Variants in ZDHHC14 observed in about 807,000 individuals in gnomAD.
ZDHHC14 encodes the protein zDHHC palmitoyltransferase 14.
Under a neutral mutation model 47.7 loss-of-function variants are expected in ZDHHC14, and 16 were observed. That is an observed-to-expected ratio of 0.34 (90% CI 0.23 to 0.51). The LOEUF (loss-of-function observed/expected upper bound fraction) is 0.51. ZDHHC14 is among the 20% of genes least tolerant of loss of function. The probability of loss-of-function intolerance (pLI) is 0.97; values close to 1 mark genes in which losing one functional copy is unlikely to be tolerated. For missense variants in ZDHHC14, 515 were observed against 662.5 expected (o/e 0.78, Z 2.44); for synonymous variants, 293 against 278.9 (o/e 1.05, Z -0.50).
rs544582600 is a variant in ZDHHC14, at chr6:157,594,346, A to G, written c.565+1200A>G. Among the ~76,000 whole-genome samples, 44 of 152,270 alleles carry G rather than the reference A, an allele frequency of 2.9e-4. No individual in the cohort carries two copies. The South Asian group carries it at 7.7e-3, about 27-fold the overall frequency. ...TGCCTCCCCAACAGAACAGTATGGA[A>G]TGGGTTCTGCTTCTCCCATGTAGGA... On this transcript the variant is annotated intron_variant, in intron 3 of 8. Coordinates refer to ENST00000359775, the MANE Select transcript of ZDHHC14 (RefSeq NM_024630.3).
rs1010574524 is a variant in ZDHHC14 at position 157,676,765 on chromosome 6, C to T, written c.*3643C>T. On this transcript the variant is annotated 3_prime_UTR_variant, in exon 9 of 9. Coordinates refer to ENST00000359775, the MANE Select transcript of ZDHHC14 (RefSeq NM_024630.3). ...TCTCAGGTCTCTGCCCACCTGACTA[C>T]CCTGCAGCAAACGCTTCTCTGTAAC... The T allele has an allele frequency of 6.6e-6, 1 of 152,338 alleles. No homozygotes were observed. Among genetic ancestry groups the T allele is most frequent in the Non-Finnish European group, 1.5e-5 (1 of 68,118 alleles). 9.4% of individuals were successfully genotyped at this position (152,338 alleles called of 1,614,324 possible). A position where few individuals can be genotyped will look rare whatever the true frequency, so the allele number is the denominator to read the frequency against.
intron 2 of ZDHHC14, among the ~76,000 whole-genome samples, chr6:157,583,958 C>A (rs778076968): frequency 1.4e-5 from 1 of 69,914 alleles, no homozygotes; most frequent in Non-Finnish European, 2.7e-5. Context: ...GGAGGGGACC[C>A]TTTCCAGTGA....
At chr6:157,514,033 G>T (rs971846765) in intron 1 of ZDHHC14, among the ~76,000 whole-genome samples, 2 of 152,102 alleles carry the variant, frequency 1.3e-5, no homozygotes, top group African/African-American at 2.4e-5. Context: ...GAGGCTGGCT[G>T]GTCCCTCCTG....
intron 1 of ZDHHC14, among the ~76,000 whole-genome samples, chr6:157,398,231 C>G (rs961015355): frequency 6.6e-6 from 1 of 152,170 alleles, no homozygotes; most frequent in East Asian, 1.9e-4. Context: ...TGAGGTACTG[C>G]TAGAAGCTTT....
chr6:157,647,271 T>C lies in ZDHHC14; in HGVS notation c.868T>C (p.Trp290Arg). Residue 290 changes from tryptophan to arginine, a missense_variant, in exon 7 of 9, where the codon TGG (tryptophan) becomes CGG (arginine). Physicochemically the swap from Trp to Arg is moderately radical, Grantham distance 101. Coordinates refer to ENST00000359775, the MANE Select transcript of ZDHHC14 (RefSeq NM_024630.3). ...CCTTTTCTTTCAGATTAAAGGATCC[T>C]GGTCAAATAAAAGAGGTAAAGAAAA... ...QTTNEDIKGS[W>R]SNKRGKENYN... is the part of the protein sequence containing the mutation. The C allele has an allele frequency of 6.2e-7, 1 of 1,613,660 alleles. No individual in the cohort carries two copies. Among genetic ancestry groups the C allele is most frequent in the Non-Finnish European group, 8.5e-7 (1 of 1,179,578 alleles).
chr6:157,662,208 G>A (rs919994001), intron 8 of ZDHHC14, among the ~76,000 whole-genome samples: 1 of 152,046 alleles, frequency 6.6e-6, no homozygotes, highest in Non-Finnish European at 1.5e-5. Context: ...TTGAGACAGA[G>A]TCTCACTCTG....
At chr6:157,426,139 C>T (rs1025214217) in intron 1 of ZDHHC14, among the ~76,000 whole-genome samples, 9 of 152,130 alleles carry the variant, frequency 5.9e-5, no homozygotes, top group African/African-American at 2.2e-4. Context: ...ATGCTGCTCA[C>T]GTTCAGATGT....
chr6:157,455,100 C>T (rs559521867), intron 1 of ZDHHC14, among the ~76,000 whole-genome samples: 13 of 152,354 alleles, frequency 8.5e-5, no homozygotes, highest in African/African-American at 3.1e-4. Context: ...GCAGCCAGGC[C>T]ACTTTGAAAG....
chr6:157,562,933 A>G (rs1167925373), intron 2 of ZDHHC14, among the ~76,000 whole-genome samples: 1 of 151,774 alleles, frequency 6.6e-6, no homozygotes, highest in East Asian at 1.9e-4. Context: ...GAACTCCCCA[A>G]CCCCACCCCT....
At chr6:157,501,699 G>C (rs1243024390) in intron 1 of ZDHHC14, among the ~76,000 whole-genome samples, 1 of 152,176 alleles carries the variant, frequency 6.6e-6, no homozygotes, top group African/African-American at 2.4e-5. Flanking sequence ...GCAAACAAAG[G>C]CCATGATTTT....
At chr6:157,552,985 C>G (rs900152332) in intron 2 of ZDHHC14, among the ~76,000 whole-genome samples, 3 of 152,162 alleles carry the variant, frequency 2.0e-5, no homozygotes, top group Non-Finnish European at 4.4e-5. Flanking sequence ...TCAGGGAGAC[C>G]ATGCAGGGTC....
chr6:157,486,666 G>A (rs1410605084), intron 1 of ZDHHC14, among the ~76,000 whole-genome samples: 2 of 152,194 alleles, frequency 1.3e-5, no homozygotes, highest in Non-Finnish European at 1.5e-5. Flanking sequence ...GAAGCCTGAC[G>A]ATGCTGCAGG....
intron 2 of ZDHHC14, among the ~76,000 whole-genome samples, chr6:157,579,477 A>T (rs906124229): frequency 5.3e-5 from 8 of 152,202 alleles, no homozygotes; most frequent in Non-Finnish European, 7.4e-5. Context: ...GATTACAGGC[A>T]TGAGCCACCA....
chr6:157,501,421 T>C (rs1189833432), intron 1 of ZDHHC14, among the ~76,000 whole-genome samples: 1 of 152,226 alleles, frequency 6.6e-6, no homozygotes, highest in African/African-American at 2.4e-5. Flanking sequence ...CCAAGAACAA[T>C]TATTCCAGGA....
rs371754583 is a variant in ZDHHC14, at chr6:157,669,187, C to T, written c.1069-3537C>T. On this transcript the variant is annotated intron_variant, in intron 8 of 8. Coordinates refer to ENST00000359775, the MANE Select transcript of ZDHHC14 (RefSeq NM_024630.3). Reference sequence around the variant, plus strand: ...TCTCAGGAGCTTAACCGACCACTGCCGACAGCCACCTTATCCGAGAAGGTT... The same window carrying T: ...TCTCAGGAGCTTAACCGACCACTGCTGACAGCCACCTTATCCGAGAAGGTT... Among the ~76,000 whole-genome samples, 15 of 152,300 alleles carry T rather than the reference C, an allele frequency of 9.8e-5. No individual in the cohort carries two copies. The East Asian group carries it at 2.3e-3, about 24-fold the overall frequency.
intron 1 of ZDHHC14, among the ~76,000 whole-genome samples, chr6:157,445,660 A>G (rs1387829279): frequency 1.3e-5 from 2 of 152,196 alleles, no homozygotes; most frequent in African/African-American, 2.4e-5. Flanking sequence ...TCTGGTCTGA[A>G]AGTGAAACAT....
At chr6:157,585,984 C>T (rs552000067) in intron 2 of ZDHHC14, among the ~76,000 whole-genome samples, 1 of 152,142 alleles carries the variant, frequency 6.6e-6, no homozygotes, top group Non-Finnish European at 1.5e-5. Flanking sequence ...TGGCAGTCCT[C>T]CATCTTGGGC....
intron 1 of ZDHHC14, among the ~76,000 whole-genome samples, chr6:157,398,026 TCAGCCCCCCAGCTCCCCAGCTCCC>T (rs1370404214): frequency 6.8e-5 from 10 of 147,558 alleles, no homozygotes; most frequent in South Asian, 2.2e-4. Context: ...CCCGAGCCCC[TCAGCCCCCCAGCTCCCCAGCTCCC>T]CAGCCCCCCA....
intron 1 of ZDHHC14, among the ~76,000 whole-genome samples, chr6:157,511,547 C>CTGTTTTTTTTTT (rs1780486623): frequency 8.7e-6 from 1 of 114,924 alleles, no homozygotes; most frequent in Non-Finnish European, 1.7e-5. Flanking sequence ...AGCCCGGGTA[C>CTGTTTTTTTTTT]TTTTTTTTTT....
Sources: gnomAD v4.1 joint callset for allele counts (sites outside exome capture counted in the v4.1 genomes callset) on GRCh38, gnomAD v4.1.1 for gene constraint, MANE v1.5 for transcripts, NCBI Gene and HGNC (gene_info 2026-07-23, HGNC 2026-07-21) for gene names.